UNC13B: variants seen among roughly 807,000 people sequenced by gnomAD.
UNC13B encodes the protein protein unc-13 homolog B.
Under a neutral mutation model 211.0 loss-of-function variants are expected in UNC13B, and 144 were observed. The ratio of observed to expected loss-of-function variants is 0.68; its 90% CI spans 0.60 to 0.78. UNC13B has a LOEUF of 0.78. UNC13B is among the 30% of genes least tolerant of loss of function. The pLI is 0.00. For missense variants in UNC13B, 1,777 were observed against 2,002.0 expected, an observed-to-expected ratio of 0.89 and a Z score of 2.14; for synonymous variants, 709 against 725.8, an observed-to-expected ratio of 0.98 and a Z score of 0.37.
chr9:35,333,959 TG>T (rs1482436534), intron 11 of UNC13B, among the ~76,000 whole-genome samples: 13 of 130,110 alleles, frequency 1.0e-4, no homozygotes, highest in East Asian at 2.4e-4. Context: ...TTCATTTTTT[TG>T]TTTGTTTTTT....
chr9:35,321,597 C>T (rs1830740822), intron 11 of UNC13B, among the ~76,000 whole-genome samples: 1 of 152,128 alleles, frequency 6.6e-6, no homozygotes, highest in Admixed American at 6.5e-5. Flanking sequence ...ATTTCTTTAA[C>T]TTAAAATAGA....
At chr9:35,190,762 T>C (rs1822614208) in intron 1 of UNC13B, among the ~76,000 whole-genome samples, 1 of 152,214 alleles carries the variant, frequency 6.6e-6, no homozygotes, top group South Asian at 2.1e-4. Flanking sequence ...CTTTTAAGTA[T>C]ATCTATAACT....
intron 7 of UNC13B, among the ~76,000 whole-genome samples, chr9:35,267,124 C>G (rs971508808): frequency 6.6e-6 from 1 of 152,196 alleles, no homozygotes; most frequent in Non-Finnish European, 1.5e-5. Context: ...TGTCTGCTTT[C>G]TGTGTTAGGG....
At chr9:35,258,361 A>G (rs148442906) in intron 6 of UNC13B, among the ~76,000 whole-genome samples, 207 of 152,144 alleles carry the variant, frequency 1.4e-3, no homozygotes, top group African/African-American at 4.7e-3. Flanking sequence ...CATCCTCAAG[A>G]TTTGGACATA....
rs956847859 is a variant in UNC13B at position 35,381,131 on chromosome 9, G to A, written c.10407G>A (p.Gly3469=). The change falls in exon 19 of 40, where the codon GGG becomes GGA. Residue 3469 remains glycine, a synonymous_variant. Coordinates refer to ENST00000635942, the MANE Select transcript of UNC13B (RefSeq NM_001371189.2). The stretch of plus-strand genomic sequence containing the variant: ...GGACAGACAAATCAGCCGTCTCAGG[G>A]GCTATCCGACTACAAATCAGTGTGG... ...EKRTDKSAVS[G]AIRLQISVEI... is the part of the protein sequence containing the mutation. 6 of 1,613,992 alleles carry A rather than the reference G, an allele frequency of 3.7e-6. No homozygotes were observed. Among genetic ancestry groups the A allele is most frequent in the Non-Finnish European group, 5.1e-6 (6 of 1,180,020 alleles).
rs747174643 is a variant in UNC13B, at chr9:35,237,816, G to A, written c.384G>A (p.Glu128=). Residue 128 remains glutamate (E), a synonymous_variant, in exon 5 of 40, where the codon GAG becomes GAA. Coordinates refer to ENST00000635942, the MANE Select transcript of UNC13B (RefSeq NM_001371189.2). ...AAATTTTGCTTGATACAAGATTTGA[G>A]TTGCCTTTTGGTGAGTAAAATTTTA... ...PHKILLDTRF[E]LPFDIPEEEA... The A allele has an allele frequency of 2.5e-6, 4 of 1,611,958 alleles. No individual in the cohort carries two copies. In the African/African-American group the frequency reaches 4.0e-5, roughly 16 times the overall value.
rs1825909899 is a variant in UNC13B at position 35,243,328 on chromosome 9, A to G, written c.432A>G (p.Lys144=). 3.1e-6 allele frequency: 5 copies of G among 1,613,506 alleles called. No individual in the cohort carries two copies. The South Asian group carries it at 4.4e-5, about 14-fold the overall frequency. The part of the protein sequence containing the change: ...PEEEARYWTY[K]WEQINALGAD... ...AGGAAGCCAGATATTGGACCTACAAATGGGAGCAAATCAATGCCTTGGGAG... is the reference window on the plus strand; with the variant it reads ...AGGAAGCCAGATATTGGACCTACAAGTGGGAGCAAATCAATGCCTTGGGAG... Residue 144 remains lysine (K), a synonymous_variant, in exon 6 of 40, where the codon AAA becomes AAG. Transcript: ENST00000635942.
intron 11 of UNC13B, chr9:35,351,145 A>G (rs1335042828): frequency 1.3e-5 from 3 of 236,358 alleles, no homozygotes; most frequent in African/African-American, 2.3e-5. Context: ...GACTGCCCAT[A>G]GCCTTTAAGA....
intron 23 of UNC13B, 34 bp from the exon 24 acceptor site, chr9:35,386,131 T>C: frequency 6.2e-7 from 1 of 1,613,612 alleles, no homozygotes; most frequent in Non-Finnish European, 8.5e-7. Context: ...GGTGAGCAGG[T>C]CCTTGGGCCC....
chr9:35,353,316 G>T, intron 11 of UNC13B: 1 of 1,232,234 alleles, frequency 8.1e-7, no homozygotes, highest in African/African-American at 1.5e-5. Flanking sequence ...GCTCTGCAGG[G>T]TGTGTTTCAG....
chr9:35,301,291 A>G lies in UNC13B; in HGVS notation c.1887A>G (p.Leu629=), dbSNP rs1257561767. Residue 629 remains leucine, a synonymous_variant, in exon 9 of 40, where the codon TTA becomes TTG. Coordinates refer to ENST00000635942, the MANE Select transcript of UNC13B (RefSeq NM_001371189.2). ...NEHMGNKTGS[L]YFQNTTESIA... is the part of the protein sequence containing the mutation. Reference sequence around the variant, plus strand: ...ACATGGGTAATAAAACTGGGAGTTTATACTTTCAGAATACAACAGAAAGTA... The same window carrying G: ...ACATGGGTAATAAAACTGGGAGTTTGTACTTTCAGAATACAACAGAAAGTA... 3 of 398,770 alleles carry G rather than the reference A, an allele frequency of 7.5e-6. No individual in the cohort carries two copies. Among genetic ancestry groups the G allele is most frequent in the Admixed American group, 4.4e-5 (1 of 22,710 alleles). The allele number at this position is 398,770 out of a possible 1,614,324, so 24.7% of individuals were successfully genotyped here.
intron 1 of UNC13B, among the ~76,000 whole-genome samples, chr9:35,183,316 GGGGC>G (rs1822084285): frequency 8.6e-6 from 1 of 115,736 alleles, no homozygotes; most frequent in African/African-American, 3.3e-5. Context: ...CCTCCCAGGC[GGGGC>G]AGCCGGGCAG....
intron 11 of UNC13B, chr9:35,361,364 GT>G (rs1287251538): frequency 1.3e-5 from 2 of 151,458 alleles, no homozygotes; most frequent in East Asian, 1.9e-4. Context: ...AAAAAAAGTT[GT>G]TTTTTAATGT....
intron 11 of UNC13B, chr9:35,352,776 C>G: frequency 8.1e-7 from 1 of 1,232,224 alleles, no homozygotes; most frequent in Non-Finnish European, 1.0e-6. Flanking sequence ...GAGAAAAAGG[C>G]TTCTCTGTCT....
intron 1 of UNC13B, among the ~76,000 whole-genome samples, chr9:35,197,842 A>G (rs1823032276): frequency 6.6e-6 from 1 of 152,146 alleles, no homozygotes; most frequent in African/African-American, 2.4e-5. Flanking sequence ...TTCCTGAGGC[A>G]TCCCTTGCCA....
intron 1 of UNC13B, among the ~76,000 whole-genome samples, chr9:35,189,555 G>A (rs992721338): frequency 2.6e-4 from 40 of 152,272 alleles, no homozygotes; most frequent in African/African-American, 8.7e-4. Context: ...AAATATTTAA[G>A]TGCTTATTTT....
intron 7 of UNC13B, among the ~76,000 whole-genome samples, chr9:35,290,844 G>A (rs1275338728): frequency 1.3e-5 from 2 of 152,044 alleles, no homozygotes; most frequent in African/African-American, 4.8e-5. Context: ...GTTGTTGTTA[G>A]TCTCTCTCTA....
chr9:35,185,686 G>A (rs1033218019), intron 1 of UNC13B, among the ~76,000 whole-genome samples: 1 of 152,004 alleles, frequency 6.6e-6, no homozygotes, highest in East Asian at 1.9e-4. Flanking sequence ...TTGGGAGGCC[G>A]AGGTGGGCGG....
intron 1 of UNC13B, among the ~76,000 whole-genome samples, chr9:35,214,238 A>G (rs567630628): frequency 2.6e-5 from 4 of 152,180 alleles, no homozygotes; most frequent in Non-Finnish European, 5.9e-5. Flanking sequence ...GACCATCCTG[A>G]CTAACACAAT....
Sources: gnomAD v4.1 joint callset for allele counts (sites outside exome capture counted in the v4.1 genomes callset) on GRCh38, gnomAD v4.1.1 for gene constraint, MANE v1.5 for transcripts, NCBI Gene and HGNC (gene_info 2026-07-23, HGNC 2026-07-21) for gene names.